The following PTPRJ variants were observed in gnomAD, a reference collection of about 807,000 sequenced individuals.
The protein encoded by PTPRJ is protein tyrosine phosphatase receptor type J.
Under a neutral mutation model 141.3 loss-of-function variants are expected in PTPRJ, and 129 were observed. That is an observed-to-expected ratio of 0.91 (90% CI 0.79 to 1.06). The LOEUF (loss-of-function observed/expected upper bound fraction) is 1.06. Among genes scored for constraint, PTPRJ ranks in the 50% least tolerant of loss-of-function variants. The pLI is 0.00. For missense variants in PTPRJ, 1,601 were observed against 1,679.7 expected (o/e 0.95, Z 0.82); for synonymous variants, 610 against 640.5 (o/e 0.95, Z 0.72).
At chr11:48,102,358 G>T (rs1162626644) in intron 1 of PTPRJ, among the ~76,000 whole-genome samples, 1 of 152,094 alleles carries the variant, frequency 6.6e-6, no homozygotes, top group African/African-American at 2.4e-5. Flanking sequence ...AAATGAGAAA[G>T]CCAGATGTAT....
chr11:48,056,200 T>C (rs1854748264), intron 1 of PTPRJ, among the ~76,000 whole-genome samples: 1 of 152,224 alleles, frequency 6.6e-6, no homozygotes. Context: ...TCTGTATGCA[T>C]TTTTAACATC....
At chr11:48,054,121 TG>T (rs1284252827) in intron 1 of PTPRJ, among the ~76,000 whole-genome samples, 2 of 149,968 alleles carry the variant, frequency 1.3e-5, no homozygotes, top group East Asian at 4.0e-4. Context: ...TTAGTTGAGA[TG>T]GGGGTTTCAC....
chr11:48,092,294 C>CAA (rs3971621), intron 1 of PTPRJ, among the ~76,000 whole-genome samples: 3,458 of 46,646 alleles, frequency 0.074, 192 homozygotes, highest in East Asian at 0.16. Context: ...GATTTCATCT[C>CAA]AAAAAAAAAA....
chr11:48,092,184 A>G (rs547444157), intron 1 of PTPRJ, among the ~76,000 whole-genome samples: 3 of 149,190 alleles, frequency 2.0e-5, no homozygotes, highest in Non-Finnish European at 4.4e-5. Flanking sequence ...AATCCCAGCT[A>G]CTCAGTAGGC....
chr11:48,094,672 T>A (rs891330806), intron 1 of PTPRJ, among the ~76,000 whole-genome samples: 1 of 152,196 alleles, frequency 6.6e-6, no homozygotes, highest in African/African-American at 2.4e-5. Flanking sequence ...TTTGGTGGGC[T>A]TTTCTGCTGT....
chr11:48,123,997 C>T (rs1856775313), intron 5 of PTPRJ, 127 bp downstream of exon 5: 1 of 1,152,954 alleles, frequency 8.7e-7, no homozygotes, highest in Admixed American at 2.8e-5. Context: ...TTTTCCTCCA[C>T]ATTTTAGTTT....
rs922780655 is a variant in PTPRJ at position 48,060,474 on chromosome 11, G to A, written c.97-49584G>A. ...GCCACACAAACAACAAAATAAACCA[G>A]TGTGTTCCAAAAACAAGCATTTGCT... On this transcript the variant is annotated intron_variant, in intron 1 of 24. Transcript: ENST00000418331. Among the ~76,000 whole-genome samples, 17 of 151,948 alleles carry A rather than the reference G, an allele frequency of 1.1e-4. No homozygotes were observed. The East Asian group carries it at 2.5e-3, about 22-fold the overall frequency.
intron 1 of PTPRJ, among the ~76,000 whole-genome samples, chr11:47,996,448 C>G (rs1406020055): frequency 6.6e-6 from 1 of 151,906 alleles, no homozygotes; most frequent in Non-Finnish European, 1.5e-5. Flanking sequence ...ACCCTGCTAT[C>G]TGCACAGGGA....
intron 23 of PTPRJ, 59 bp downstream of exon 23, chr11:48,163,677 A>G (rs1857842018): frequency 6.5e-7 from 1 of 1,528,308 alleles, no homozygotes; most frequent in Non-Finnish European, 9.0e-7. Context: ...ATTTATGAGC[A>G]CTTTACAAAA....
chr11:48,052,704 G>A (rs1854606557), intron 1 of PTPRJ, among the ~76,000 whole-genome samples: 1 of 152,150 alleles, frequency 6.6e-6, no homozygotes, highest in African/African-American at 2.4e-5. Context: ...GCTTGGGGGA[G>A]TGTCAAGCTT....
At chr11:47,992,191 T>A (rs1280590323) in intron 1 of PTPRJ, among the ~76,000 whole-genome samples, 23 of 152,252 alleles carry the variant, frequency 1.5e-4, no homozygotes, top group Non-Finnish European at 2.9e-5. Context: ...TTTTGTTTTT[T>A]AAGACATAGT....
chr11:48,102,405 A>G (rs1241697157), intron 1 of PTPRJ, among the ~76,000 whole-genome samples: 1 of 151,840 alleles, frequency 6.6e-6, no homozygotes. Flanking sequence ...AAAAAATGCT[A>G]TCTCCCTAAT....
chr11:47,989,259 CT>C (rs1854129843), intron 1 of PTPRJ, among the ~76,000 whole-genome samples: 1 of 148,828 alleles, frequency 6.7e-6, no homozygotes, highest in Non-Finnish European at 1.5e-5. Flanking sequence ...GCTTCTTCTT[CT>C]TTTTTTGTTT....
At chr11:48,059,688 A>C (rs1854866343) in intron 1 of PTPRJ, among the ~76,000 whole-genome samples, 1 of 152,208 alleles carries the variant, frequency 6.6e-6, no homozygotes, top group Non-Finnish European at 1.5e-5. Context: ...AAGGTAGTGC[A>C]CACTTCCATA....
rs750153282 is a variant in PTPRJ, at chr11:48,027,791, CAAAAAAAAA to C, written c.96+46806_96+46814del. Reference sequence around the variant, plus strand: ...GGGCAACAGAGTGAGACTCTGTCTCCAAAAAAAAAAAAAAAAAAAAAAAAAAAAAAATCT... The same window carrying C: ...GGGCAACAGAGTGAGACTCTGTCTCCAAAAAAAAAAAAAAAAAAAAAATCT... On this transcript the variant is annotated intron_variant, in intron 1 of 24. Transcript: ENST00000418331. 4.0e-4 allele frequency among the ~76,000 whole-genome samples: 13 copies of C among 32,898 alleles called. No individual in the cohort carries two copies. In the East Asian group the frequency reaches 9.2e-3, roughly 23 times the overall value. 21.6% of individuals were successfully genotyped at this position (32,898 alleles called of 152,430 possible). A position where few individuals can be genotyped will look rare whatever the true frequency, so the allele number is the denominator to read the frequency against.
At chr11:48,089,834 C>T (rs1224042863) in intron 1 of PTPRJ, among the ~76,000 whole-genome samples, 1 of 152,140 alleles carries the variant, frequency 6.6e-6, no homozygotes, top group Non-Finnish European at 1.5e-5. Context: ...TGCCCTGTTC[C>T]AGGCCTGGCT....
rs553138221 is a variant in PTPRJ, at chr11:48,057,719, T to C, written c.97-52339T>C. Among the ~76,000 whole-genome samples, 17 of 152,160 alleles carry C rather than the reference T, an allele frequency of 1.1e-4. No individual in the cohort carries two copies. In the South Asian group the frequency reaches 2.5e-3, roughly 22 times the overall value. On this transcript the variant is annotated intron_variant, in intron 1 of 24. Coordinates refer to ENST00000418331, the MANE Select transcript of PTPRJ (RefSeq NM_002843.4). ...TTTTGAGGGAAAAAAAACTTTCCTT[T>C]TGGAAGCCAGACGTAGGGAAGAAGC...
intron 14 of PTPRJ, among the ~76,000 whole-genome samples, chr11:48,145,488 T>A (rs760603336): frequency 1.3e-5 from 2 of 152,208 alleles, no homozygotes; most frequent in Non-Finnish European, 2.9e-5. Context: ...ATAAATTGTC[T>A]TGTTCAATCC....
At chr11:48,032,956 G>A (rs962573392) in intron 1 of PTPRJ, among the ~76,000 whole-genome samples, 2 of 151,808 alleles carry the variant, frequency 1.3e-5, no homozygotes, top group Admixed American at 6.6e-5. Flanking sequence ...AGTGGCTCAC[G>A]CCTGTAATCT....
Sources: allele counts gnomAD v4.1 joint callset (sites outside exome capture counted in the v4.1 genomes callset), GRCh38; gene constraint gnomAD v4.1.1; transcripts MANE v1.5; gene names NCBI Gene and HGNC (gene_info 2026-07-23, HGNC 2026-07-21).